Variants in TLN2 observed in about 807,000 individuals in gnomAD.
TLN2 encodes the protein talin-2.
TLN2 carries 118 observed loss-of-function variants against 294.7 expected under a neutral mutation model. That is an observed-to-expected ratio of 0.40 (90% CI 0.34 to 0.47). The LOEUF is 0.47. TLN2 is among the 20% of genes least tolerant of loss of function. The pLI is 0.84. For synonymous variants in TLN2, 1,431 were observed against 1,304.5 expected (o/e 1.10, Z -2.09); for missense variants, 3,083 against 3,282.2 (o/e 0.94, Z 1.48).
chr15:62,723,341 C>G lies in TLN2; in HGVS notation c.3126+854C>G, dbSNP rs2060256825. Among the ~76,000 whole-genome samples, 4 of 152,260 alleles carry G rather than the reference C, an allele frequency of 2.6e-5. No homozygotes were observed. In the South Asian group the frequency reaches 8.3e-4, roughly 32 times the overall value. On this transcript the variant is annotated intron_variant, in intron 26 of 58. Coordinates refer to ENST00000636159, the MANE Select transcript of TLN2 (RefSeq NM_015059.3). ...TCACCTGGGGATGCTTATTAGAATG[C>G]ACATCCCTGGGCCTTGCCTCTGAGA...
chr15:62,576,851 A>G (rs1424422369), intron 1 of TLN2, among the ~76,000 whole-genome samples: 1 of 152,166 alleles, frequency 6.6e-6, no homozygotes, highest in Non-Finnish European at 1.5e-5. Context: ...ATAGGGAAGT[A>G]GAAAGTCCTT....
chr15:62,584,339 CT>C (rs994380007), intron 1 of TLN2, among the ~76,000 whole-genome samples: 56 of 152,292 alleles, frequency 3.7e-4, no homozygotes, highest in African/African-American at 1.3e-3. Context: ...GCATGTAACA[CT>C]TTTTACCTCC....
At chr15:62,636,497 T>G (rs2050400668) in intron 3 of TLN2, among the ~76,000 whole-genome samples, 1 of 152,208 alleles carries the variant, frequency 6.6e-6, no homozygotes, top group African/African-American at 2.4e-5. Context: ...TGCCAGATTT[T>G]TAGGTCCTTC....
At chr15:62,431,060 C>T (rs1595787302) in intron 1 of TLN2, among the ~76,000 whole-genome samples, 2 of 152,034 alleles carry the variant, frequency 1.3e-5, no homozygotes, top group South Asian at 2.1e-4. Context: ...GAAATAATGA[C>T]CTTGAGCTGA....
At chr15:62,643,699 T>A (rs1188835804) in intron 3 of TLN2, among the ~76,000 whole-genome samples, 19 of 152,090 alleles carry the variant, frequency 1.2e-4, no homozygotes, top group Admixed American at 1.2e-3. Context: ...TCCTGCTCTC[T>A]GAAGGCAGCA....
chr15:62,790,058 A>G (rs1223701263), intron 45 of TLN2, among the ~76,000 whole-genome samples: 2 of 152,194 alleles, frequency 1.3e-5, no homozygotes, highest in African/African-American at 4.8e-5. Flanking sequence ...GCAGTGGTCA[A>G]GAACTGGGAG....
chr15:62,692,813 A>G (rs1326755323), intron 12 of TLN2, 27 bp from the exon 13 acceptor site: 16 of 1,588,454 alleles, frequency 1.0e-5, no homozygotes, highest in East Asian at 2.2e-5. Flanking sequence ...TGATTTGGCT[A>G]TATTTCCTCC....
intron 1 of TLN2, among the ~76,000 whole-genome samples, chr15:62,479,469 C>A (rs1391376649): frequency 3.3e-5 from 5 of 152,022 alleles, no homozygotes; most frequent in Non-Finnish European, 7.4e-5. Flanking sequence ...AAGCAGACTT[C>A]TTTGTCTTTA....
At chr15:62,767,053 C>T (rs1373189889) in intron 41 of TLN2, among the ~76,000 whole-genome samples, 5 of 152,110 alleles carry the variant, frequency 3.3e-5, no homozygotes, top group Non-Finnish European at 7.4e-5. Flanking sequence ...TAAGGAGAGG[C>T]CAGAAATTGG....
Position 62,748,336 on chromosome 15 carries a change from C to G in TLN2, c.4026-15C>G, listed in dbSNP as rs768789316. ...GATCTTCAAAAAAAAAAAAAAAATT[C>G]TGTTTCTGTCACAGAGCTGTGACAG... On this transcript the variant is annotated splice_polypyrimidine_tract_variant and intron_variant, in intron 32 of 58. Transcript: ENST00000636159. The G allele has an allele frequency of 1.4e-5, 21 of 1,538,924 alleles. No homozygotes were observed. Among genetic ancestry groups the G allele is most frequent in the Admixed American group, 1.9e-5 (1 of 52,228 alleles).
intron 22 of TLN2, 100 bp from the exon 23 acceptor site, chr15:62,716,231 T>A: frequency 7.7e-7 from 1 of 1,300,740 alleles, no homozygotes; most frequent in Non-Finnish European, 9.9e-7. Context: ...TGACTATCCT[T>A]GCAAATGCTT....
At chr15:62,739,629 T>C (rs1255827540) in intron 31 of TLN2, 84 bp downstream of exon 31, 1 of 1,502,264 alleles carries the variant, frequency 6.7e-7, no homozygotes, top group East Asian at 2.3e-5. Flanking sequence ...ACTGAACAAA[T>C]AGGAAAAGGA....
intron 1 of TLN2, among the ~76,000 whole-genome samples, chr15:62,444,616 G>A (rs772828259): frequency 2.6e-5 from 4 of 152,204 alleles, no homozygotes; most frequent in South Asian, 2.1e-4. Flanking sequence ...GTTCTTCACC[G>A]CACGGTCCTG....
At chr15:62,681,424 A>C (rs564138553) in intron 11 of TLN2, among the ~76,000 whole-genome samples, 2 of 152,368 alleles carry the variant, frequency 1.3e-5, no homozygotes, top group South Asian at 4.1e-4. Flanking sequence ...CAGCCTTGAG[A>C]TCAGTCATAG....
intron 1 of TLN2, among the ~76,000 whole-genome samples, chr15:62,544,268 A>C (rs1177038883): frequency 6.6e-6 from 1 of 152,186 alleles, no homozygotes; most frequent in African/African-American, 2.4e-5. Context: ...GTCCAAGCCC[A>C]GTTCAGTGCC....
At chr15:62,676,823 C>T (rs2056256921) in intron 11 of TLN2, among the ~76,000 whole-genome samples, 1 of 152,180 alleles carries the variant, frequency 6.6e-6, no homozygotes, top group African/African-American at 2.4e-5. Flanking sequence ...CCGTGTTGCC[C>T]AGGCTAGTCT....
intron 41 of TLN2, 90 bp from the exon 42 acceptor site, chr15:62,770,874 G>C: frequency 6.7e-7 from 1 of 1,493,340 alleles, no homozygotes; most frequent in Non-Finnish European, 8.9e-7. Flanking sequence ...GCCCAGTCCT[G>C]TTCCCCTCCC....
intron 27 of TLN2, among the ~76,000 whole-genome samples, chr15:62,726,141 C>T (rs953498331): frequency 6.6e-6 from 1 of 152,092 alleles, no homozygotes; most frequent in Non-Finnish European, 1.5e-5. Context: ...GAGAGGCTGG[C>T]ATGACATGTA....
chr15:62,810,133 C>A, intron 52 of TLN2, 101 bp downstream of exon 52: 2 of 942,828 alleles, frequency 2.1e-6, no homozygotes, highest in East Asian at 2.6e-5. Flanking sequence ...CTCTCAGAGC[C>A]CTGTCCATTG....
Sources: gnomAD v4.1 joint callset for allele counts (sites outside exome capture counted in the v4.1 genomes callset) on GRCh38, gnomAD v4.1.1 for gene constraint, MANE v1.5 for transcripts, NCBI Gene and HGNC (gene_info 2026-07-23, HGNC 2026-07-21) for gene names.